SCYL2: variants seen among roughly 807,000 people sequenced by gnomAD.
The protein encoded by SCYL2 is SCY1 like pseudokinase 2.
Under a neutral mutation model 100.4 loss-of-function variants are expected in SCYL2, and 36 were observed. The ratio of observed to expected loss-of-function variants is 0.36; its 90% CI spans 0.27 to 0.47. The LOEUF is 0.47. SCYL2 is among the 20% of genes least tolerant of loss of function. The pLI, the probability that SCYL2 is intolerant of heterozygous loss-of-function variation, is 1.00. For missense variants in SCYL2, 902 were observed against 1,083.9 expected, an observed-to-expected ratio of 0.83 and a Z score of 2.36; for synonymous variants, 330 against 359.2, an observed-to-expected ratio of 0.92 and a Z score of 0.92.
intron 4 of SCYL2, among the ~76,000 whole-genome samples, chr12:100,298,858 A>G (rs1273224907): frequency 6.6e-6 from 1 of 152,206 alleles, no homozygotes. Context: ...CTGGGATTAC[A>G]AGAGTGAGCC....
chr12:100,270,075 C>T (rs1396270625), intron 1 of SCYL2, among the ~76,000 whole-genome samples: 2 of 151,918 alleles, frequency 1.3e-5, no homozygotes, highest in South Asian at 2.1e-4. Context: ...CAAGCTCCGC[C>T]TCCCAGGTTC....
rs572831432 is a variant in SCYL2, at chr12:100,317,646, C to T, written c.1273-157C>T. 15 of 1,401,580 alleles carry T rather than the reference C, an allele frequency of 1.1e-5. No homozygotes were observed. In the Admixed American group the frequency reaches 1.7e-4, roughly 16 times the overall value. The allele number at this position is 1,401,580 out of a possible 1,614,324, so 86.8% of individuals were successfully genotyped here. A position where few individuals can be genotyped will look rare whatever the true frequency, so the allele number is the denominator to read the frequency against. Reference sequence around the variant, plus strand: ...ATTGTGCCTCCAGAAATGTAAGAGACTTGATTTGTGTGTTTTTGTCTTCCA... The same window carrying T: ...ATTGTGCCTCCAGAAATGTAAGAGATTTGATTTGTGTGTTTTTGTCTTCCA... On this transcript the variant is annotated intron_variant, in intron 9 of 17. Coordinates refer to ENST00000360820, the MANE Select transcript of SCYL2 (RefSeq NM_017988.6).
In SCYL2 at chr12:100,275,437, C is replaced by T. The variant is rs548099533; in HGVS notation, c.-28-7506C>T. Among the ~76,000 whole-genome samples the T allele has an allele frequency of 5.3e-5, 8 of 152,254 alleles. No homozygotes were observed. In the East Asian group the frequency reaches 1.4e-3, roughly 26 times the overall value. ...TCTCAAACTCCTGTACTCAAGCAAT[C>T]CTTCCACTTCAGCCTCCCAAGGTGC... On this transcript the variant is annotated intron_variant, in intron 1 of 17. Transcript: ENST00000360820.
intron 12 of SCYL2, 135 bp from the exon 13 acceptor site, chr12:100,329,066 A>G: frequency 1.8e-6 from 1 of 555,524 alleles, no homozygotes. Context: ...TAAGAACATC[A>G]TTATTCTAGG....
chr12:100,316,712 C>A (rs1330167064), intron 9 of SCYL2, among the ~76,000 whole-genome samples: 1 of 152,190 alleles, frequency 6.6e-6, no homozygotes, highest in Non-Finnish European at 1.5e-5. Context: ...AGCCACTGTT[C>A]CCTAAGCTAT....
chr12:100,319,423 T>A (rs1458125967), intron 10 of SCYL2: 5 of 311,858 alleles, frequency 1.6e-5, no homozygotes, highest in African/African-American at 1.1e-4. Context: ...GAAGATTAAG[T>A]GACATGAAAT....
At chr12:100,311,957 A>G (rs1271003871) in intron 5 of SCYL2, among the ~76,000 whole-genome samples, 1 of 152,214 alleles carries the variant, frequency 6.6e-6, no homozygotes, top group Admixed American at 6.5e-5. Context: ...GTTTTAAGGT[A>G]ATCAGAACTA....
At chr12:100,336,503 C>T (rs1952278819) in intron 16 of SCYL2, among the ~76,000 whole-genome samples, 1 of 152,100 alleles carries the variant, frequency 6.6e-6, no homozygotes, top group African/African-American at 2.4e-5. Flanking sequence ...CATGTTTTCT[C>T]ATAATTGGAT....
At chr12:100,268,993 A>C (rs913736959) in intron 1 of SCYL2, among the ~76,000 whole-genome samples, 3 of 152,076 alleles carry the variant, frequency 2.0e-5, no homozygotes, top group African/African-American at 7.2e-5. Flanking sequence ...TCTCATCCTG[A>C]CTACTTCCGT....
In SCYL2 at chr12:100,338,612, A is replaced by C. The variant is rs1952310979; in HGVS notation, c.2230A>C (p.Ser744Arg). ...TAGTACCCCTAAATCTTCTGCTTCA[A>C]GTACTTTCACTTCTGTTCCTTCCAT... is the stretch of plus-strand genomic sequence containing the variant. ...SVSTPKSSAS[S>R]TFTSVPSMGI... Residue 744 changes from serine to arginine, a missense_variant, in exon 18 of 18, where the codon AGT (serine) becomes CGT (arginine). Transcript: ENST00000360820. The C allele has an allele frequency of 2.5e-6, 4 of 1,613,834 alleles. No homozygotes were observed. The highest frequency in any genetic ancestry group is 1.3e-5 in the African/African-American group (1 of 74,922).
At chr12:100,300,199 T>G (rs1340123703) in intron 4 of SCYL2, among the ~76,000 whole-genome samples, 1 of 152,316 alleles carries the variant, frequency 6.6e-6, no homozygotes, top group African/African-American at 2.4e-5. Context: ...CCCATTTTTT[T>G]GAGGGGTTGT....
At chr12:100,310,443 G>T (rs2096340871) in intron 4 of SCYL2, among the ~76,000 whole-genome samples, 1 of 152,180 alleles carries the variant, frequency 6.6e-6, no homozygotes, top group South Asian at 2.1e-4. Flanking sequence ...TCTTTGGAAT[G>T]TATGTTCAAG....
intron 8 of SCYL2, among the ~76,000 whole-genome samples, chr12:100,315,345 C>A (rs548546444): frequency 1.3e-5 from 2 of 152,174 alleles, no homozygotes; most frequent in South Asian, 4.2e-4. Context: ...ACCGTGTGTC[C>A]CCTTTTACCC....
At chr12:100,307,539 C>T (rs2096336137) in intron 4 of SCYL2, among the ~76,000 whole-genome samples, 1 of 152,108 alleles carries the variant, frequency 6.6e-6, no homozygotes, top group Non-Finnish European at 1.5e-5. Context: ...TCCATAAAAA[C>T]CCTAGAAGAA....
chr12:100,311,275 G>A (rs774739966), intron 5 of SCYL2, 82 bp downstream of exon 5: 133 of 1,370,098 alleles, frequency 9.7e-5, no homozygotes, highest in Middle Eastern at 5.6e-4. Flanking sequence ...TAGGCTATGT[G>A]GTACAGTGGT....
At chr12:100,310,063 A>G (rs1425722237) in intron 4 of SCYL2, among the ~76,000 whole-genome samples, 1 of 151,870 alleles carries the variant, frequency 6.6e-6, no homozygotes, top group Non-Finnish European at 1.5e-5. Flanking sequence ...CAGTGGCACA[A>G]TCTCAGCTCA....
intron 1 of SCYL2, among the ~76,000 whole-genome samples, chr12:100,279,521 T>C (rs1334779470): frequency 1.3e-5 from 2 of 152,250 alleles, no homozygotes; most frequent in African/African-American, 4.8e-5. Flanking sequence ...GAATGTTACA[T>C]TGTTTAGTAT....
At chr12:100,338,446 A>G in intron 17 of SCYL2, 82 bp from the exon 18 acceptor site, 1 of 1,235,340 alleles carries the variant, frequency 8.1e-7, no homozygotes, top group Non-Finnish European at 1.1e-6. Flanking sequence ...CTTGTCCTTT[A>G]TAATTTAATC....
At chr12:100,297,899 G>A in intron 3 of SCYL2, 132 bp from the exon 4 acceptor site, 1 of 736,528 alleles carries the variant, frequency 1.4e-6, no homozygotes, top group Non-Finnish European at 2.1e-6. Flanking sequence ...TTATGTCTAT[G>A]CTGAAATTAA....
Sources: allele counts gnomAD v4.1 joint callset (sites outside exome capture counted in the v4.1 genomes callset), GRCh38; gene constraint gnomAD v4.1.1; transcripts MANE v1.5; gene names NCBI Gene and HGNC (gene_info 2026-07-23, HGNC 2026-07-21).